ARHGEF26: variants seen among roughly 807,000 people sequenced by gnomAD.
ARHGEF26 encodes the protein Rho guanine nucleotide exchange factor (GEF) 26.
In ARHGEF26, 59 loss-of-function variants were observed where a neutral mutation model predicts 89.4. The ratio of observed to expected loss-of-function variants is 0.66; its 90% confidence interval spans 0.54 to 0.82. The LOEUF (loss-of-function observed/expected upper bound fraction) is 0.82, where lower values mean the gene tolerates loss of function less well. Ranked by LOEUF, ARHGEF26 falls within the 40% of genes least tolerant of loss-of-function variation. The pLI, the probability that ARHGEF26 is intolerant of heterozygous loss-of-function variation, is 0.00. For synonymous variants in ARHGEF26, 500 were observed against 428.4 expected (o/e 1.17, Z -2.06); for missense variants, 1,234 against 1,085.6 (o/e 1.14, Z -1.92).
intron 3 of ARHGEF26, among the ~76,000 whole-genome samples, chr3:154,128,403 A>G (rs144117734): frequency 1.6e-3 from 247 of 151,990 alleles, no homozygotes; most frequent in African/African-American, 5.7e-3. Context: ...ACACTCGGCT[A>G]ATTTGTTGTA....
chr3:154,187,599 G>A (rs959825636), intron 6 of ARHGEF26, 86 bp from the exon 7 acceptor site: 20 of 1,180,112 alleles, frequency 1.7e-5, no homozygotes, highest in South Asian at 9.7e-5. Context: ...TTCAAACCCC[G>A]TGTAATAACA....
In ARHGEF26 at chr3:154,229,097, ATC is replaced by A. The variant is rs1491427381; in HGVS notation, c.2090+3088_2090+3089del. On this transcript the variant is annotated intron_variant, in intron 11 of 14. Coordinates refer to ENST00000465093, the MANE Select transcript of ARHGEF26 (RefSeq NM_015595.4). ...ACCCCCTCCACTTCACAGTGCATGT[ATC>A]ACTGCTTGTGCTTGTAAAGCTGGCT... Among the ~76,000 whole-genome samples the A allele has an allele frequency of 2.0e-5, 3 of 152,332 alleles. No individual in the cohort carries two copies. In the East Asian group the frequency reaches 5.8e-4, roughly 29 times the overall value.
chr3:154,169,789 A>G (rs1576730215), intron 6 of ARHGEF26, among the ~76,000 whole-genome samples: 1 of 152,154 alleles, frequency 6.6e-6, no homozygotes, highest in African/African-American at 2.4e-5. Flanking sequence ...GGTGTTTTTA[A>G]ACTGAAACAC....
At chr3:154,168,115 G>A (rs1046561183) in intron 6 of ARHGEF26, among the ~76,000 whole-genome samples, 1 of 152,010 alleles carries the variant, frequency 6.6e-6, no homozygotes. Flanking sequence ...TGGAATTTTG[G>A]GATTGAGTTT....
intron 9 of ARHGEF26, among the ~76,000 whole-genome samples, chr3:154,195,651 A>G (rs1338401029): frequency 6.6e-6 from 1 of 152,182 alleles, no homozygotes; most frequent in African/African-American, 2.4e-5. Flanking sequence ...ATAGAAACAT[A>G]GGGAGAGTGG....
In ARHGEF26 at chr3:154,122,992, A is replaced by C. The variant is rs777753661; in HGVS notation, c.1000A>C (p.Lys334Gln). ...TGATTTTGACAGTCCTACCAGCTCGAAGAAGAAGAACAGAATGTCCCAGCC... is the reference window on the plus strand; with the variant it reads ...TGATTTTGACAGTCCTACCAGCTCGCAGAAGAAGAACAGAATGTCCCAGCC... ...GFDFDSPTSS[K>Q]KKNRMSQPVL... The change falls in exon 2 of 15, where the codon AAG becomes CAG. Residue 334 changes from lysine (K) to glutamine (Q), a missense_variant. Coordinates refer to ENST00000465093, the MANE Select transcript of ARHGEF26 (RefSeq NM_015595.4). 1.2e-6 allele frequency: 2 copies of C among 1,613,478 alleles called. No homozygotes were observed. Among genetic ancestry groups the C allele is most frequent in the South Asian group, 1.1e-5 (1 of 91,026 alleles).
intron 12 of ARHGEF26, among the ~76,000 whole-genome samples, chr3:154,241,623 A>G (rs1717486447): frequency 6.6e-6 from 1 of 152,256 alleles, no homozygotes; most frequent in Non-Finnish European, 1.5e-5. Flanking sequence ...GGACCATTGC[A>G]GCAACGTCTC....
chr3:154,139,174 A>C (rs1434472464), intron 4 of ARHGEF26, among the ~76,000 whole-genome samples: 1 of 152,058 alleles, frequency 6.6e-6, no homozygotes, highest in Non-Finnish European at 1.5e-5. Context: ...ATGGTGGGTA[A>C]GAGGAGTTGG....
At chr3:154,141,274 A>G (rs530240876) in intron 4 of ARHGEF26, among the ~76,000 whole-genome samples, 4 of 152,142 alleles carry the variant, frequency 2.6e-5, no homozygotes, top group East Asian at 1.9e-4. Flanking sequence ...CTTCCATCCT[A>G]TTTTTGAAAG....
At chr3:154,129,545 A>G in intron 3 of ARHGEF26, 29 bp from the exon 4 acceptor site, 1 of 1,602,582 alleles carries the variant, frequency 6.2e-7, no homozygotes, top group South Asian at 1.1e-5. Flanking sequence ...GAGAACAATT[A>G]GTGACACATA....
At chr3:154,226,391 G>C (rs1716489776) in intron 11 of ARHGEF26, among the ~76,000 whole-genome samples, 1 of 152,026 alleles carries the variant, frequency 6.6e-6, no homozygotes, top group African/African-American at 2.4e-5. Flanking sequence ...GAACAGGTTG[G>C]GGAGCAACTC....
chr3:154,185,562 G>T (rs902439935), intron 6 of ARHGEF26, among the ~76,000 whole-genome samples: 7 of 152,122 alleles, frequency 4.6e-5, no homozygotes, highest in African/African-American at 1.7e-4. Context: ...AGGTACTGCA[G>T]ACCACCTAGT....
intron 9 of ARHGEF26, among the ~76,000 whole-genome samples, chr3:154,210,242 C>A (rs1231922849): frequency 6.6e-6 from 1 of 152,120 alleles, no homozygotes; most frequent in African/African-American, 2.4e-5. Context: ...TTCTACCTTC[C>A]TGTGACCATG....
chr3:154,231,822 G>A (rs1716841748), intron 11 of ARHGEF26, among the ~76,000 whole-genome samples: 1 of 151,814 alleles, frequency 6.6e-6, no homozygotes, highest in African/African-American at 2.4e-5. Context: ...CAGGCGGCAA[G>A]TGAGTGAGGA....
chr3:154,133,331 A>G (rs144121367), intron 4 of ARHGEF26, among the ~76,000 whole-genome samples: 54 of 152,272 alleles, frequency 3.5e-4, no homozygotes, highest in Middle Eastern at 3.4e-3. Flanking sequence ...GTTGTCATTT[A>G]GGAATAAAGG....
At chr3:154,185,165 T>TG (rs1246179707) in intron 6 of ARHGEF26, among the ~76,000 whole-genome samples, 3 of 150,188 alleles carry the variant, frequency 2.0e-5, no homozygotes. Context: ...AATGTGTGAA[T>TG]TTTTTTTTTA....
At chr3:154,127,630 G>A (rs1718413333) in intron 3 of ARHGEF26, among the ~76,000 whole-genome samples, 1 of 149,816 alleles carries the variant, frequency 6.7e-6, no homozygotes, top group South Asian at 2.1e-4. Context: ...GTAAGTAGGA[G>A]TGCACTCTAA....
intron 9 of ARHGEF26, among the ~76,000 whole-genome samples, chr3:154,214,805 T>G (rs1715613907): frequency 6.6e-6 from 1 of 152,130 alleles, no homozygotes; most frequent in African/African-American, 2.4e-5. Context: ...TATTGCAGTT[T>G]CAGGTTGCTC....
At chr3:154,151,713 G>A (rs1720034853) in intron 5 of ARHGEF26, among the ~76,000 whole-genome samples, 1 of 152,164 alleles carries the variant, frequency 6.6e-6, no homozygotes, top group Admixed American at 6.5e-5. Context: ...GTGGAGGTGA[G>A]CACTGAGATT....
Sources: allele counts gnomAD v4.1 joint callset (sites outside exome capture counted in the v4.1 genomes callset), GRCh38; gene constraint gnomAD v4.1.1; transcripts MANE v1.5; gene names NCBI Gene and HGNC (gene_info 2026-07-23, HGNC 2026-07-21).